Variants in NT5DC3 observed in about 807,000 individuals in gnomAD.
NT5DC3 encodes the protein 5'-nucleotidase domain-containing protein 3.
NT5DC3 carries 42 observed loss-of-function variants against 67.8 expected under a neutral mutation model. The observed-to-expected ratio is 0.62, with a 90% CI of 0.48 to 0.80. The LOEUF (loss-of-function observed/expected upper bound fraction) is 0.80, where lower values mean the gene tolerates loss of function less well. Ranked by LOEUF, NT5DC3 falls within the 30% of genes least tolerant of loss-of-function variation. The pLI, the probability that NT5DC3 is intolerant of heterozygous loss-of-function variation, is 0.00. For missense variants in NT5DC3, 570 were observed against 696.4 expected, an observed-to-expected ratio of 0.82 and a Z score of 2.04; for synonymous variants, 237 against 255.6, an observed-to-expected ratio of 0.93 and a Z score of 0.69.
downstream of NT5DC3, among the ~76,000 whole-genome samples, chr12:103,768,087 CA>C (rs34935949): frequency 0.33 from 28,894 of 86,960 alleles, 3,245 homozygotes; most frequent in Admixed American, 0.42. Context: ...GACTCCTTCT[CA>C]AAAAAAAAAA....
chr12:103,829,238 C>T (rs1460595106), intron 1 of NT5DC3, among the ~76,000 whole-genome samples: 1 of 152,162 alleles, frequency 6.6e-6, no homozygotes, highest in Admixed American at 6.5e-5. Flanking sequence ...TGGGGCTCTG[C>T]ATATAGTCTC....
At position 103,816,149 on chromosome 12, in the gene NT5DC3, C is replaced by A. The variant is rs1887241379; in HGVS notation, c.209-1028G>T. Among the ~76,000 whole-genome samples, 4 of 152,210 alleles carry A rather than the reference C, an allele frequency of 2.6e-5. No individual in the cohort carries two copies. The South Asian group carries it at 8.3e-4, about 32-fold the overall frequency. On this transcript the variant is annotated intron_variant, in intron 1 of 13. Transcript: ENST00000392876. The stretch of plus-strand genomic sequence containing the variant: ...ATATTGGTGTGCCATAATCAACCTA[C>A]TACAGGTTGAGCATCCCTTATCCAA...
the NT5DC3 span, chr12:103,763,611 G>A: frequency 6.2e-7 from 1 of 1,612,964 alleles, no homozygotes. Context: ...CCTTCACGGT[G>A]AGTTTGCATT....
chr12:103,813,310 G>A (rs1180327754), intron 2 of NT5DC3, among the ~76,000 whole-genome samples: 3 of 152,310 alleles, frequency 2.0e-5, no homozygotes, highest in South Asian at 2.1e-4. Flanking sequence ...GCAAAGGACC[G>A]CAGTTTAGAT....
intron 1 of NT5DC3, among the ~76,000 whole-genome samples, chr12:103,831,694 G>A (rs531080477): frequency 3.0e-4 from 46 of 151,458 alleles, no homozygotes; most frequent in African/African-American, 1.1e-3. Context: ...CAGCAGGCAC[G>A]ACCAATAAAG....
At position 103,777,076 on chromosome 12, in the gene NT5DC3, T is replaced by C. The variant is rs1244166807; in HGVS notation, c.*753A>G. ...GTTTTGGTTCTTCAAACCCACTCGTTTCTTGCAGAAGGCTCTACAGAAGGC... is the reference window on the plus strand; with the variant it reads ...GTTTTGGTTCTTCAAACCCACTCGTCTCTTGCAGAAGGCTCTACAGAAGGC... On this transcript the variant is annotated 3_prime_UTR_variant, in exon 14 of 14. Transcript: ENST00000392876. 6.6e-6 allele frequency: 1 copy of C among 152,246 alleles called. No individual in the cohort carries two copies. The highest frequency in any genetic ancestry group is 1.5e-5 in the Non-Finnish European group (1 of 68,064). 9.4% of individuals were successfully genotyped at this position (152,246 alleles called of 1,614,324 possible).
downstream of NT5DC3, chr12:103,766,511 C>CACAG: frequency 1.5e-6 from 1 of 680,910 alleles, no homozygotes; most frequent in Non-Finnish European, 2.4e-6. Flanking sequence ...TGTTGCTGTG[C>CACAG]CCACCCAGTA....
intron 7 of NT5DC3, 33 bp downstream of exon 7, chr12:103,793,904 G>A (rs1886180369): frequency 4.5e-6 from 7 of 1,565,878 alleles, no homozygotes; most frequent in Admixed American, 1.7e-5. Flanking sequence ...CAGAAAGGCT[G>A]AAACTCTCTT....
At chr12:103,793,605 C>A in intron 7 of NT5DC3, 93 bp from the exon 8 acceptor site, 2 of 861,644 alleles carry the variant, frequency 2.3e-6, no homozygotes, top group Admixed American at 2.0e-5. Context: ...CCAGCACTGT[C>A]CTAGGCACAG....
chr12:103,800,789 T>C (rs1886538077), intron 4 of NT5DC3, among the ~76,000 whole-genome samples: 1 of 152,222 alleles, frequency 6.6e-6, no homozygotes. Context: ...TCTGAATGAG[T>C]CTGCCAGGGC....
chr12:103,767,157 A>G (rs559539618), downstream of NT5DC3, among the ~76,000 whole-genome samples: 1 of 152,372 alleles, frequency 6.6e-6, no homozygotes, highest in Admixed American at 6.5e-5. Context: ...ATTATTCATA[A>G]AAGCCAAAAA....
intron 2 of NT5DC3, 59 bp from the exon 3 acceptor site, chr12:103,806,988 C>A: frequency 1.0e-6 from 1 of 976,984 alleles, no homozygotes; most frequent in East Asian, 2.4e-5. Flanking sequence ...AGGATCCTGT[C>A]CAGATCTGGC....
chr12:103,750,278 G>A, the NT5DC3 span, among the ~76,000 whole-genome samples: 1 of 152,188 alleles, frequency 6.6e-6, no homozygotes, highest in Non-Finnish European at 1.5e-5. Flanking sequence ...AGCACAAGGA[G>A]CCCTGTGAAG....
intron 7 of NT5DC3, among the ~76,000 whole-genome samples, 166 bp from the exon 8 acceptor site, chr12:103,793,678 A>G (rs1446087076): frequency 6.6e-6 from 1 of 152,232 alleles, no homozygotes; most frequent in Non-Finnish European, 1.5e-5. Flanking sequence ...CATCTGGTGC[A>G]TCATTCACAA....
intron 2 of NT5DC3, among the ~76,000 whole-genome samples, chr12:103,810,899 A>G (rs926984066): frequency 1.3e-5 from 2 of 152,206 alleles, no homozygotes; most frequent in African/African-American, 4.8e-5. Flanking sequence ...CAGAGGTCTC[A>G]GTTTAATATT....
intron 2 of NT5DC3, among the ~76,000 whole-genome samples, chr12:103,809,872 T>A (rs563728733): frequency 6.6e-6 from 1 of 152,252 alleles, no homozygotes; most frequent in African/African-American, 2.4e-5. Context: ...GAATACAGGT[T>A]CCGGGGCTGA....
chr12:103,750,598 G>A, the NT5DC3 span: 2 of 1,614,168 alleles, frequency 1.2e-6, no homozygotes, highest in Non-Finnish European at 1.7e-6. Context: ...AAGTGTGAGT[G>A]TAAAAGTCAC....
the NT5DC3 span, chr12:103,763,829 CAG>C: frequency 3.3e-5 from 15 of 458,974 alleles, no homozygotes; most frequent in Middle Eastern, 5.6e-4. Context: ...CTTGAACAAA[CAG>C]AGACAGGCGA....
chr12:103,811,896 T>G (rs1327307365), intron 2 of NT5DC3, among the ~76,000 whole-genome samples: 1 of 151,844 alleles, frequency 6.6e-6, no homozygotes, highest in Non-Finnish European at 1.5e-5. Context: ...TGCTGAGAGA[T>G]CAGACATGGA....
Sources: allele counts gnomAD v4.1 joint callset (sites outside exome capture counted in the v4.1 genomes callset), GRCh38; gene constraint gnomAD v4.1.1; transcripts MANE v1.5; gene names NCBI Gene and HGNC (gene_info 2026-07-23, HGNC 2026-07-21).